The following PRKN variants were observed in gnomAD, a reference collection of about 807,000 sequenced individuals.
The protein encoded by PRKN is parkin RBR E3 ubiquitin protein ligase, also known as E3 ubiquitin-protein ligase parkin.
Under a neutral mutation model 59.5 loss-of-function variants are expected in PRKN, and 56 were observed. The observed-to-expected ratio is 0.94, with a 90% confidence interval of 0.76 to 1.18. PRKN has a LOEUF of 1.18. PRKN is among the 50% of genes most tolerant of loss of function. PRKN has a pLI of 0.00. For synonymous variants in PRKN, 250 were observed against 222.1 expected (o/e 1.13, Z -1.12); for missense variants, 657 against 596.4 (o/e 1.10, Z -1.06).
rs1218962505 is a variant in PRKN at position 161,671,010 on chromosome 6, G to GA, written c.872-101595dup. Among the ~76,000 whole-genome samples, 31 of 152,084 alleles carry GA rather than the reference G, an allele frequency of 2.0e-4. 1 individual carries two copies. The highest frequency in any genetic ancestry group is 2.9e-5 in the Non-Finnish European group (2 of 68,030). On this transcript the variant is annotated intron_variant, in intron 7 of 11. Transcript: ENST00000366898. ...CATAATTCGACCCATAACAGGAAAT[G>GA]AAGTGTTTTTTCGTGTGTTTTCTTC...
intron 7 of PRKN, among the ~76,000 whole-genome samples, chr6:161,623,534 A>T (rs1782982914): frequency 6.6e-6 from 1 of 152,184 alleles, no homozygotes; most frequent in African/African-American, 2.4e-5. Context: ...CTTTTTAAAA[A>T]CTGCTTTTTT....
rs79854045 is a variant in PRKN, at chr6:162,698,167, A to T, written c.7+29495T>A. The stretch of plus-strand genomic sequence containing the variant: ...GTTCTGGAAGAGGATCAGCATACAA[A>T]GGCATACGTGTCCACTGGCAGATCC... On this transcript the variant is annotated intron_variant, in intron 1 of 11. Coordinates refer to ENST00000366898, the MANE Select transcript of PRKN (RefSeq NM_004562.3). Among the ~76,000 whole-genome samples the T allele has an allele frequency of 3.9e-3, 599 of 152,342 alleles. 5 individuals carry two copies. The highest frequency in any genetic ancestry group is 0.014 in the African/African-American group (567 of 41,580).
At chr6:161,993,284 C>T (rs74355905) in intron 5 of PRKN, among the ~76,000 whole-genome samples, 22 of 152,008 alleles carry the variant, frequency 1.4e-4, no homozygotes, top group African/African-American at 3.9e-4. Flanking sequence ...ACTAGCACCA[C>T]AGAAATACAA....
chr6:162,199,845 C>A (rs1217411966), intron 4 of PRKN, among the ~76,000 whole-genome samples: 1 of 152,094 alleles, frequency 6.6e-6, no homozygotes, highest in Non-Finnish European at 1.5e-5. Context: ...TTAGGTGGAT[C>A]TTTTGAGTTC....
chr6:161,433,002 T>A (rs1788720517), intron 9 of PRKN, among the ~76,000 whole-genome samples: 1 of 152,188 alleles, frequency 6.6e-6, no homozygotes, highest in Admixed American at 6.5e-5. Context: ...AGCGTGCCAA[T>A]AATTTCATGG....
Position 162,515,351 on chromosome 6 carries a change from G to A in PRKN, c.8-71878C>T, listed in dbSNP as rs191968831. Among the ~76,000 whole-genome samples, 85 of 152,192 alleles carry A rather than the reference G, an allele frequency of 5.6e-4. 1 individual carries two copies. In the South Asian group the frequency reaches 9.1e-3, roughly 16 times the overall value. Reference sequence around the variant, plus strand: ...GCCTGCCTCAGCCTTCCAGAGTGGTGGGATTATAGGCATGAGCCACCGCAC... The same window carrying A: ...GCCTGCCTCAGCCTTCCAGAGTGGTAGGATTATAGGCATGAGCCACCGCAC... On this transcript the variant is annotated intron_variant, in intron 1 of 11. Transcript: ENST00000366898.
At chr6:162,710,161 T>C (rs564785908) in intron 1 of PRKN, among the ~76,000 whole-genome samples, 1 of 152,162 alleles carries the variant, frequency 6.6e-6, no homozygotes, top group Admixed American at 6.5e-5. Context: ...GACCATCAAC[T>C]TTAGAAGTCT....
chr6:161,740,576 G>T (rs962988800), intron 7 of PRKN, among the ~76,000 whole-genome samples: 9 of 152,186 alleles, frequency 5.9e-5, no homozygotes, highest in African/African-American at 2.2e-4. Flanking sequence ...TTCTGAATGG[G>T]CCGTTTGCAA....
chr6:162,252,446 C>T (rs1779472457), intron 3 of PRKN, among the ~76,000 whole-genome samples: 1 of 152,230 alleles, frequency 6.6e-6, no homozygotes. Context: ...ATGCAAACTT[C>T]TCCCACTGCT....
chr6:162,352,636 T>C (rs1784670442), intron 2 of PRKN, among the ~76,000 whole-genome samples: 1 of 152,134 alleles, frequency 6.6e-6, no homozygotes, highest in South Asian at 2.1e-4. Context: ...AACAGATAAA[T>C]AGTGAAGCAG....
Position 161,419,947 on chromosome 6 carries a change from A to T in PRKN, c.1084-33070T>A, listed in dbSNP as rs543557107. Among the ~76,000 whole-genome samples the T allele has an allele frequency of 1.3e-5, 2 of 152,134 alleles. No individual in the cohort carries two copies. Among genetic ancestry groups the T allele is most frequent in the South Asian group, 4.2e-4 (2 of 4,808 alleles). ...GGCACGTAAAAGGCACTTGTTTAAGAACTTGATAAGGCTGGGCGTGGTGGC... is the reference window on the plus strand; with the variant it reads ...GGCACGTAAAAGGCACTTGTTTAAGTACTTGATAAGGCTGGGCGTGGTGGC... On this transcript the variant is annotated intron_variant, in intron 9 of 11. Transcript: ENST00000366898. The surrounding 1 kb of genome is among the most constrained non-coding windows in gnomAD (Gnocchi z 4.1).
chr6:162,574,045 G>A (rs577883978), intron 1 of PRKN, among the ~76,000 whole-genome samples: 1 of 152,300 alleles, frequency 6.6e-6, no homozygotes, highest in South Asian at 2.1e-4. Flanking sequence ...CGATGCCTGT[G>A]CATCTTGTTC....
intron 6 of PRKN, among the ~76,000 whole-genome samples, chr6:161,938,358 C>T (rs755931628): frequency 2.0e-5 from 3 of 152,122 alleles, no homozygotes; most frequent in Non-Finnish European, 4.4e-5. Context: ...CAGCCTTGAG[C>T]TTAGTTTTAT....
At chr6:162,528,271 G>A (rs901634801) in intron 1 of PRKN, among the ~76,000 whole-genome samples, 5 of 150,810 alleles carry the variant, frequency 3.3e-5, no homozygotes, top group African/African-American at 1.2e-4. Flanking sequence ...GCAGTGAGCC[G>A]AGATTGTACC....
chr6:162,039,155 CACAA>C (rs1562477663), intron 5 of PRKN, among the ~76,000 whole-genome samples: 1 of 103,874 alleles, frequency 9.6e-6, no homozygotes, highest in African/African-American at 5.3e-5. Context: ...GACTCCATCT[CACAA>C]AAAAAAAAAA....
intron 6 of PRKN, among the ~76,000 whole-genome samples, chr6:161,851,222 T>TTC (rs1324492599): frequency 3.5e-4 from 53 of 151,670 alleles, no homozygotes; most frequent in Middle Eastern, 6.8e-3. Flanking sequence ...CTCTTTCTCT[T>TTC]TCTCTCTCTC....
intron 9 of PRKN, among the ~76,000 whole-genome samples, chr6:161,500,742 T>A (rs1328877326): frequency 6.6e-6 from 1 of 152,226 alleles, no homozygotes; most frequent in Non-Finnish European, 1.5e-5. Context: ...TTGTCAATTA[T>A]GAATAAATCT....
intron 7 of PRKN, among the ~76,000 whole-genome samples, chr6:161,642,260 T>A (rs772682088): frequency 2.0e-5 from 3 of 152,220 alleles, no homozygotes; most frequent in Non-Finnish European, 2.9e-5. Context: ...ATATGGAATA[T>A]AAAGTCATCA....
rs376234120 is a variant in PRKN, at chr6:161,419,773, AC to A, written c.1084-32897del. ...GCCGGAGTTCAGTTCTAGTCCTCCT[AC>A]TTCCGACTGATAGTGGCTCTGAGTA... On this transcript the variant is annotated intron_variant, in intron 9 of 11. Transcript: ENST00000366898. The surrounding 1 kb of genome is among the most constrained non-coding windows in gnomAD (Gnocchi z 4.1). Among the ~76,000 whole-genome samples the A allele has an allele frequency of 6.8e-4, 103 of 152,106 alleles. No individual in the cohort carries two copies. Among genetic ancestry groups the A allele is most frequent in the Middle Eastern group, 6.8e-3 (2 of 294 alleles).
Sources: gnomAD v4.1 joint callset for allele counts (sites outside exome capture counted in the v4.1 genomes callset) on GRCh38, gnomAD v4.1.1 for gene constraint, Gnocchi (gnomAD v3.1) non-coding constraint, MANE v1.5 for transcripts, NCBI Gene and HGNC (gene_info 2026-07-23, HGNC 2026-07-21) for gene names.